The following SHROOM3 variants were observed in gnomAD, a reference collection of about 807,000 sequenced individuals.
The protein encoded by SHROOM3 is shroom family member 3.
SHROOM3 carries 47 observed loss-of-function variants against 138.6 expected under a neutral mutation model. That is an observed-to-expected ratio of 0.34 (90% CI 0.27 to 0.43). The LOEUF (loss-of-function observed/expected upper bound fraction) is 0.43. Among genes scored for constraint, SHROOM3 ranks in the 20% least tolerant of loss-of-function variants. The pLI is 1.00. For missense variants in SHROOM3, 2,491 were observed against 2,596.5 expected, an observed-to-expected ratio of 0.96 and a Z score of 0.88; for synonymous variants, 1,062 against 1,063.3, an observed-to-expected ratio of 1.00 and a Z score of 0.02.
At chr4:76,478,587 G>A (rs1402274245) in intron 1 of SHROOM3, among the ~76,000 whole-genome samples, 1 of 152,232 alleles carries the variant, frequency 6.6e-6, no homozygotes, top group Non-Finnish European at 1.5e-5. Context: ...TGCCAGCTCT[G>A]AAGAGAGCAG....
intron 2 of SHROOM3, among the ~76,000 whole-genome samples, chr4:76,696,661 AGG>A (rs1302800283): frequency 4.6e-5 from 7 of 152,104 alleles, no homozygotes; most frequent in Non-Finnish European, 1.0e-4. Context: ...ATGCCCATTG[AGG>A]GGGAAGGGGC....
At chr4:76,608,560 CATA>C in intron 2 of SHROOM3, among the ~76,000 whole-genome samples, 4 of 144,164 alleles carry the variant, frequency 2.8e-5, no homozygotes, top group Admixed American at 6.9e-5. Flanking sequence ...CATAGCATAG[CATA>C]GCATAGCATA....
rs758080766 is a variant in SHROOM3, at chr4:76,754,444, G to A, written c.3961G>A (p.Asp1321Asn). 5.0e-6 allele frequency: 8 copies of A among 1,613,988 alleles called. No homozygotes were observed. In the South Asian group the frequency reaches 6.6e-5, roughly 13 times the overall value. Residue 1321 changes from aspartate (D) to asparagine (N), a missense_variant, in exon 7 of 11, where the codon GAC becomes AAC. Around this residue, in one of 4 missense-constraint regions of SHROOM3, gnomAD observed 1,733 missense variants for 1,661.6 expected, o/e 1.04. Coordinates refer to ENST00000296043, the MANE Select transcript of SHROOM3 (RefSeq NM_020859.4). ...TCCTAGTGAATGTCCTGGAACCCTG[G>A]ACCATCAGAGGCAAGCCAGTAGGAC... is the stretch of plus-strand genomic sequence containing the variant. Reference protein sequence around the residue: ...SVPSECPGTLDHQRQASRTPC... With the variant: ...SVPSECPGTLNHQRQASRTPC...
Position 76,610,648 on chromosome 4 carries a change from G to A in SHROOM3, c.323+54885G>A, listed in dbSNP as rs144731947. Among the ~76,000 whole-genome samples the A allele has an allele frequency of 9.3e-4, 142 of 152,168 alleles. 1 individual carries two copies. In the East Asian group the frequency reaches 0.019, roughly 21 times the overall value. On this transcript the variant is annotated intron_variant, in intron 2 of 10. Coordinates refer to ENST00000296043, the MANE Select transcript of SHROOM3 (RefSeq NM_020859.4). The stretch of plus-strand genomic sequence containing the variant: ...TCATATGTGTGTTTTTTCCACTAAT[G>A]TACACCTTTGGGAATCCACTCCCAG...
chr4:76,759,656 G>A lies in SHROOM3; in HGVS notation c.5310G>A (p.Val1770=). 3.7e-6 allele frequency: 6 copies of A among 1,614,168 alleles called. No homozygotes were observed. The highest frequency in any genetic ancestry group is 3.4e-6 in the Non-Finnish European group (4 of 1,180,024). Residue 1770 remains valine, a synonymous_variant, in exon 9 of 11, where the codon GTG becomes GTA. Transcript: ENST00000296043. ...AAATCAAAGAGATGCCAGCAGAAGT[G>A]AATGAGGAAGAGGAACAGGCAGATG... The part of the protein sequence containing the change: ...LNKIKEMPAE[V]NEEEEQADVN...
intron 2 of SHROOM3, among the ~76,000 whole-genome samples, chr4:76,599,439 C>A (rs1734459364): frequency 6.6e-6 from 1 of 152,250 alleles, no homozygotes; most frequent in Non-Finnish European, 1.5e-5. Flanking sequence ...AGAGTAATGC[C>A]CAGCTGCAGA....
intron 2 of SHROOM3, among the ~76,000 whole-genome samples, chr4:76,559,905 C>T (rs549733044): frequency 6.6e-5 from 10 of 152,266 alleles, no homozygotes; most frequent in South Asian, 6.2e-4. Context: ...GCGCTGTGGA[C>T]GCTGCAACAA....
At chr4:76,704,433 T>C (rs1719991211) in intron 2 of SHROOM3, among the ~76,000 whole-genome samples, 1 of 152,200 alleles carries the variant, frequency 6.6e-6, no homozygotes, top group Non-Finnish European at 1.5e-5. Flanking sequence ...GGAAAGAGTA[T>C]TTGCATTAGA....
chr4:76,727,013 T>A (rs182882632), intron 3 of SHROOM3, among the ~76,000 whole-genome samples: 1 of 152,290 alleles, frequency 6.6e-6, no homozygotes, highest in African/African-American at 2.4e-5. Flanking sequence ...CACGGTCCAT[T>A]GGTGTCCATT....
intron 1 of SHROOM3, among the ~76,000 whole-genome samples, chr4:76,446,463 A>G (rs957855580): frequency 1.3e-5 from 2 of 152,016 alleles, no homozygotes; most frequent in Non-Finnish European, 2.9e-5. Context: ...TGGGAGTTCA[A>G]CTGGGCTCTC....
chr4:76,638,738 G>A (rs1735574282), intron 2 of SHROOM3: 1 of 152,088 alleles, frequency 6.6e-6, no homozygotes, highest in African/African-American at 2.4e-5. Context: ...TGGCCTTCAG[G>A]AATAAGGCAA....
chr4:76,630,769 A>C (rs139493314), intron 2 of SHROOM3, among the ~76,000 whole-genome samples: 15 of 152,344 alleles, frequency 9.8e-5, no homozygotes, highest in African/African-American at 3.1e-4. Flanking sequence ...GAAAGAGCTA[A>C]AGGAATATAG....
At chr4:76,580,446 CTTTTTTTTTTTT>C (rs869200924) in intron 2 of SHROOM3, among the ~76,000 whole-genome samples, 12 of 88,090 alleles carry the variant, frequency 1.4e-4, no homozygotes, top group South Asian at 8.5e-4. Context: ...TGGGCAAGTT[CTTTTTTTTTTTT>C]TTTTTTTTTT....
chr4:76,524,528 A>G (rs1316504717), intron 1 of SHROOM3, among the ~76,000 whole-genome samples: 1 of 152,216 alleles, frequency 6.6e-6, no homozygotes, highest in East Asian at 1.9e-4. Context: ...TTCGAATGTT[A>G]TCGACTCAGG....
At chr4:76,541,083 C>G (rs1426949857) in intron 1 of SHROOM3, among the ~76,000 whole-genome samples, 1 of 152,164 alleles carries the variant, frequency 6.6e-6, no homozygotes, top group Non-Finnish European at 1.5e-5. Context: ...AAAAGAAGTT[C>G]TCTTTTCCTT....
intron 9 of SHROOM3, among the ~76,000 whole-genome samples, chr4:76,760,175 T>G (rs1009481431): frequency 3.3e-5 from 5 of 152,214 alleles, no homozygotes; most frequent in African/African-American, 9.6e-5. Flanking sequence ...ATATTAACCT[T>G]TATATCTTCC....
At chr4:76,714,143 C>T (rs1285084251) in intron 3 of SHROOM3, among the ~76,000 whole-genome samples, 2 of 152,180 alleles carry the variant, frequency 1.3e-5, no homozygotes, top group African/African-American at 4.8e-5. Flanking sequence ...GTACAAATAT[C>T]AAAACTAAGA....
Position 76,730,846 on chromosome 4 carries a change from T to G in SHROOM3, c.498T>G (p.Thr166=). 1 of 1,614,106 alleles carries G rather than the reference T, an allele frequency of 6.2e-7. No individual in the cohort carries two copies. The highest frequency in any genetic ancestry group is 8.5e-7 in the Non-Finnish European group (1 of 1,180,024). Residue 166 remains threonine (T), a synonymous_variant, in exon 4 of 11, where the codon ACT becomes ACG. Coordinates refer to ENST00000296043, the MANE Select transcript of SHROOM3 (RefSeq NM_020859.4). ...PAGRPHSWHT[T]KSGEKQPDAS... ...GCCGACCTCACTCGTGGCACACAAC[T>G]AAATCTGGGGAGAAGCAACCCGATG...
At chr4:76,630,299 T>C (rs534051367) in intron 2 of SHROOM3, among the ~76,000 whole-genome samples, 2 of 152,302 alleles carry the variant, frequency 1.3e-5, no homozygotes, top group African/African-American at 4.8e-5. Flanking sequence ...TTCAGCTCTT[T>C]CCTCTTCCTT....
Sources: gnomAD v4.1 joint callset for allele counts (sites outside exome capture counted in the v4.1 genomes callset) on GRCh38, gnomAD v4.1.1 for gene constraint, gnomAD v4.1.1 regional missense constraint, MANE v1.5 for transcripts, NCBI Gene and HGNC (gene_info 2026-07-23, HGNC 2026-07-21) for gene names.